The following SHROOM2 variants were observed in gnomAD, a reference collection of about 807,000 sequenced individuals.
SHROOM2 encodes shroom family member 2.
In SHROOM2, 33 loss-of-function variants were observed where a neutral mutation model predicts 75.9. The observed-to-expected ratio is 0.43, with a 90% CI of 0.33 to 0.58. The LOEUF (loss-of-function observed/expected upper bound fraction) is 0.58, where lower values mean the gene tolerates loss of function less well. SHROOM2 is among the 20% of genes least tolerant of loss of function. The pLI is 0.04. For synonymous variants in SHROOM2, 655 were observed against 663.6 expected, an observed-to-expected ratio of 0.99 and a Z score of 0.20; for missense variants, 1,434 against 1,461.2, an observed-to-expected ratio of 0.98 and a Z score of 0.30.
At chrX:9,862,908 C>T (rs5979193) in intron 1 of SHROOM2, among the ~76,000 whole-genome samples, 7,691 of 111,963 alleles carry the variant, frequency 0.069, 639 homozygotes, top group African/African-American at 0.23. Flanking sequence ...CCTCCCTGAA[C>T]GTTGCTCCCC....
chrX:9,802,134 T>C (rs150661443), intron 1 of SHROOM2, among the ~76,000 whole-genome samples: 5,803 of 108,312 alleles, frequency 0.054, 391 homozygotes, highest in African/African-American at 0.18. Context: ...TCTTAAGCTA[T>C]GTTGCCCAGG....
chrX:9,810,505 C>A (rs766916787), intron 1 of SHROOM2, among the ~76,000 whole-genome samples: 1 of 110,863 alleles, frequency 9.0e-6, no homozygotes, highest in African/African-American at 3.3e-5. Flanking sequence ...TAGGAGGAGC[C>A]CAAAGCACCC....
chrX:9,888,164 C>T (rs1377328558), intron 2 of SHROOM2, among the ~76,000 whole-genome samples: 1 of 112,894 alleles, frequency 8.9e-6, no homozygotes, highest in Non-Finnish European at 1.9e-5. Context: ...ATGACAGGGG[C>T]CTTCCGCGGG....
intron 5 of SHROOM2, among the ~76,000 whole-genome samples, chrX:9,926,422 T>G (rs2084594510): frequency 8.9e-6 from 1 of 111,738 alleles, no homozygotes; most frequent in East Asian, 2.8e-4. Context: ...GCAGTGAGAA[T>G]GCAGGTAGAG....
chrX:9,827,527 A>T (rs2083894391), intron 1 of SHROOM2, among the ~76,000 whole-genome samples: 1 of 109,746 alleles, frequency 9.1e-6, no homozygotes, highest in African/African-American at 3.3e-5. Context: ...AGGGGGCCAC[A>T]TTGGTTCTCT....
Position 9,891,695 on chromosome X carries a change from T to C in SHROOM2, c.449+587T>C, listed in dbSNP as rs1417698226. Among the ~76,000 whole-genome samples the C allele has an allele frequency of 1.1e-4, 12 of 110,203 alleles. No homozygotes were observed. In the Admixed American group the frequency reaches 1.2e-3, roughly 11 times the overall value. ...GTGTGAGTGTGTGGGGGGGTGTGAG[T>C]GTGCATGTGTATTTCTACACGTTTG... On this transcript the variant is annotated intron_variant, in intron 3 of 9. Coordinates refer to ENST00000380913, the MANE Select transcript of SHROOM2 (RefSeq NM_001649.4).
chrX:9,947,164 C>T lies in SHROOM2; in HGVS notation c.*227C>T. 9.7e-6 allele frequency: 4 copies of T among 410,302 alleles called. No individual in the cohort carries two copies. The highest frequency in any genetic ancestry group is 4.2e-6 in the Non-Finnish European group (1 of 239,160). 33.8% of individuals were successfully genotyped at this position (410,302 alleles called of 1,213,427 possible). A position where few individuals can be genotyped will look rare whatever the true frequency, so the allele number is the denominator to read the frequency against. ...AGCCATTTTCCTTTACACATAACTA[C>T]ACCTGACACCAGGCTCTGCTGGATG... is the stretch of plus-strand genomic sequence containing the variant. On this transcript the variant is annotated 3_prime_UTR_variant, in exon 10 of 10. Coordinates refer to ENST00000380913, the MANE Select transcript of SHROOM2 (RefSeq NM_001649.4).
chrX:9,804,839 C>T (rs1190740736), intron 1 of SHROOM2, among the ~76,000 whole-genome samples: 1 of 111,747 alleles, frequency 8.9e-6, no homozygotes, highest in East Asian at 2.8e-4. Flanking sequence ...AGAACCCCTA[C>T]TGTATGCCAG....
chrX:9,891,594 A>T (rs2039850023), intron 3 of SHROOM2, among the ~76,000 whole-genome samples: 1 of 111,953 alleles, frequency 8.9e-6, no homozygotes, highest in Non-Finnish European at 1.9e-5. Context: ...AACAGCAGAT[A>T]GTCTGCTTTT....
chrX:9,808,649 G>A (rs1006774360), intron 1 of SHROOM2, among the ~76,000 whole-genome samples: 2 of 110,446 alleles, frequency 1.8e-5, no homozygotes, highest in Non-Finnish European at 1.9e-5. Context: ...ATCACCTGAG[G>A]TCAGGAGTTC....
At chrX:9,805,402 C>T (rs182197847) in intron 1 of SHROOM2, among the ~76,000 whole-genome samples, 29 of 112,254 alleles carry the variant, frequency 2.6e-4, no homozygotes, top group African/African-American at 9.4e-4. Flanking sequence ...TTCTGTCCCC[C>T]CAAAATTCCG....
intron 1 of SHROOM2, among the ~76,000 whole-genome samples, chrX:9,789,512 G>T (rs2083635774): frequency 9.0e-6 from 1 of 111,579 alleles, no homozygotes; most frequent in East Asian, 2.8e-4. Context: ...CTATGTAACG[G>T]AAGTAGAGAT....
chrX:9,786,555 G>A lies in SHROOM2; in HGVS notation c.10G>A (p.Ala4Thr), dbSNP rs922295596. 21 of 850,104 alleles carry A rather than the reference G, an allele frequency of 2.5e-5. No homozygotes were observed. The African/African-American group carries it at 4.4e-4, about 18-fold the overall frequency. The allele number at this position is 850,104 out of a possible 1,213,427, so 70.1% of individuals were successfully genotyped here. The change falls in exon 1 of 10, where the codon GCC becomes ACC. Residue 4 changes from alanine (A) to threonine (T), a missense_variant. Physicochemically the swap from Ala to Thr is moderately conservative, Grantham distance 58. Around this residue, in one of 3 missense-constraint regions of SHROOM2, gnomAD observed 1,340 missense variants for 1,338.3 expected, o/e 1.00. Coordinates refer to ENST00000380913, the MANE Select transcript of SHROOM2 (RefSeq NM_001649.4). Reference protein sequence around the residue: MEGAEPRARPERLA... With the variant: MEGTEPRARPERLA... ...GCTGAGCGGTCGCGCCATGGAGGGC[G>A]CCGAGCCCCGCGCGCGGCCCGAGCG... is the stretch of plus-strand genomic sequence containing the variant.
chrX:9,850,106 CCT>C (rs1486288658), intron 1 of SHROOM2, among the ~76,000 whole-genome samples: 4 of 111,285 alleles, frequency 3.6e-5, no homozygotes, highest in African/African-American at 9.8e-5. Flanking sequence ...GTGTATTGTC[CCT>C]CTCATACCTG....
chrX:9,839,804 G>C (rs979958195), intron 1 of SHROOM2, among the ~76,000 whole-genome samples: 3 of 111,909 alleles, frequency 2.7e-5, no homozygotes, highest in African/African-American at 9.7e-5. Context: ...ACCGTTGCAA[G>C]GAGAGCCCAC....
At position 9,949,137 on chromosome X, in the gene SHROOM2, G is replaced by A. The variant is rs1314066660; in HGVS notation, c.*2200G>A. On this transcript the variant is annotated 3_prime_UTR_variant, in exon 10 of 10. Transcript: ENST00000380913. ...CAGTTCCCCTGTTTGCCTCTGAAAC[G>A]TCTGGTTAGTGGGGACCCAAAGATT... 1 of 232,237 alleles carries A rather than the reference G, an allele frequency of 4.3e-6. No homozygotes were observed. Among genetic ancestry groups the A allele is most frequent in the Non-Finnish European group, 8.2e-6 (1 of 122,069 alleles). 19.1% of individuals were successfully genotyped at this position (232,237 alleles called of 1,213,427 possible).
chrX:9,886,187 G>A (rs1228038287), intron 2 of SHROOM2, among the ~76,000 whole-genome samples: 1 of 112,364 alleles, frequency 8.9e-6, no homozygotes, highest in Non-Finnish European at 1.9e-5. Flanking sequence ...CTCACTTCCA[G>A]GCAGGTTCCC....
At chrX:9,870,793 A>G (rs1303451045) in intron 1 of SHROOM2, among the ~76,000 whole-genome samples, 2 of 111,939 alleles carry the variant, frequency 1.8e-5, no homozygotes, top group Non-Finnish European at 3.8e-5. Flanking sequence ...ATTATGAGGA[A>G]CTGATTGGTT....
At chrX:9,857,382 A>C (rs1267814402) in intron 1 of SHROOM2, among the ~76,000 whole-genome samples, 1 of 104,513 alleles carries the variant, frequency 9.6e-6, no homozygotes, top group African/African-American at 3.8e-5. Context: ...TTTTTAATTA[A>C]GAATTTTTTT....
Sources: allele counts gnomAD v4.1 joint callset (sites outside exome capture counted in the v4.1 genomes callset), GRCh38; gene constraint gnomAD v4.1.1; regional missense constraint gnomAD v4.1.1; transcripts MANE v1.5; gene names NCBI Gene and HGNC (gene_info 2026-07-23, HGNC 2026-07-21).